The following WWP2 variants were observed in gnomAD, a reference collection of about 807,000 sequenced individuals.
The protein encoded by WWP2 is WW domain containing E3 ubiquitin protein ligase 2, also known as NEDD4-like E3 ubiquitin-protein ligase WWP2.
In WWP2, 57 loss-of-function variants were observed where a neutral mutation model predicts 121.0. The ratio of observed to expected loss-of-function variants is 0.47; its 90% CI spans 0.38 to 0.59. WWP2 has a LOEUF of 0.59. Among genes scored for constraint, WWP2 ranks in the 20% least tolerant of loss-of-function variants. The pLI, the probability that WWP2 is intolerant of heterozygous loss-of-function variation, is 0.00. For synonymous variants in WWP2, 449 were observed against 441.3 expected (o/e 1.02, Z -0.22); for missense variants, 962 against 1,158.9 (o/e 0.83, Z 2.47).
intron 4 of WWP2, among the ~76,000 whole-genome samples, chr16:69,837,673 T>G (rs1012309631): frequency 6.6e-6 from 1 of 152,180 alleles, no homozygotes; most frequent in African/African-American, 2.4e-5. Context: ...CAACACTCCA[T>G]TTATGAAACG....
chr16:69,835,370 T>C (rs2056858255), intron 4 of WWP2, among the ~76,000 whole-genome samples: 1 of 152,228 alleles, frequency 6.6e-6, no homozygotes, highest in South Asian at 2.1e-4. Flanking sequence ...AGTCCCATTA[T>C]GTATTATAGG....
At chr16:69,795,303 G>A (rs1177683478) in intron 2 of WWP2, among the ~76,000 whole-genome samples, 3 of 150,894 alleles carry the variant, frequency 2.0e-5, no homozygotes, top group African/African-American at 7.3e-5. Flanking sequence ...CATACACAGA[G>A]ACATAGATGG....
intron 4 of WWP2, among the ~76,000 whole-genome samples, chr16:69,814,525 A>G (rs924598789): frequency 6.6e-6 from 1 of 152,146 alleles, no homozygotes; most frequent in Non-Finnish European, 1.5e-5. Context: ...CCACACCACC[A>G]TGAAAGGTGA....
chr16:69,798,920 G>T, intron 3 of WWP2, 91 bp downstream of exon 3: 1 of 1,534,158 alleles, frequency 6.5e-7, no homozygotes, highest in Non-Finnish European at 8.8e-7. Context: ...GATTCCCTGT[G>T]GCACCTCCGA....
chr16:69,838,955 AAAGGG>A (rs1453502502), intron 4 of WWP2: 4 of 939,766 alleles, frequency 4.3e-6, no homozygotes, highest in African/African-American at 1.9e-5. Context: ...CTAAGTTCTT[AAAGGG>A]TTGTATCTGT....
intron 1 of WWP2, among the ~76,000 whole-genome samples, chr16:69,772,664 A>T (rs151311879): frequency 2.4e-4 from 36 of 152,214 alleles, no homozygotes; most frequent in African/African-American, 8.7e-4. Flanking sequence ...GAAAAGTGGT[A>T]ACTTCTGGGG....
At chr16:69,821,923 G>A (rs1185237315) in intron 4 of WWP2, among the ~76,000 whole-genome samples, 5 of 151,690 alleles carry the variant, frequency 3.3e-5, no homozygotes, top group South Asian at 2.1e-4. Context: ...CCTGGCTAGC[G>A]TGCAGTGCCA....
chr16:69,896,801 C>A (rs1191750369), intron 8 of WWP2, among the ~76,000 whole-genome samples: 2 of 151,660 alleles, frequency 1.3e-5, no homozygotes, highest in African/African-American at 4.9e-5. Flanking sequence ...GGGGACTGCC[C>A]AGTTTCCTAC....
At position 69,925,166 on chromosome 16, in the gene WWP2, GCCT is replaced by G. The variant is rs1555504509; in HGVS notation, c.1180-258_1180-256del. The stretch of plus-strand genomic sequence containing the variant: ...CCTGGCACACCTTCACCCGCGTACC[GCCT>G]CCTCCCCGTCGCTCTGCCTTTTCCA... On this transcript the variant is annotated intron_variant, in intron 10 of 23. Transcript: ENST00000359154. This position sits in a 1 kb window ranked among gnomAD's most constrained non-coding sequence, Gnocchi z 4.0. 8.8e-6 allele frequency: 11 copies of G among 1,254,608 alleles called. No individual in the cohort carries two copies. Among genetic ancestry groups the G allele is most frequent in the Non-Finnish European group, 1.1e-5 (11 of 994,704 alleles). The allele number at this position is 1,254,608 out of a possible 1,614,324, so 77.7% of individuals were successfully genotyped here. A position where few individuals can be genotyped will look rare whatever the true frequency, so the allele number is the denominator to read the frequency against.
At chr16:69,871,728 G>A (rs2057639626) in intron 6 of WWP2, 76 bp from the exon 7 acceptor site, 1 of 1,577,388 alleles carries the variant, frequency 6.3e-7, no homozygotes, top group Non-Finnish European at 8.6e-7. Context: ...AAGGGAATAT[G>A]ATGACTTAGG....
intron 6 of WWP2, among the ~76,000 whole-genome samples, chr16:69,860,041 ACTCT>A (rs1049698330): frequency 1.1e-4 from 16 of 151,336 alleles, no homozygotes; most frequent in Non-Finnish European, 2.2e-4. Context: ...CAGTAGAAAG[ACTCT>A]CTCTAATGGG....
chr16:69,803,895 A>C (rs956022557), intron 4 of WWP2, among the ~76,000 whole-genome samples: 1 of 152,164 alleles, frequency 6.6e-6, no homozygotes, highest in Non-Finnish European at 1.5e-5. Context: ...ATGACAGAGC[A>C]AGACTCCGTC....
intron 2 of WWP2, among the ~76,000 whole-genome samples, chr16:69,797,836 C>A (rs1223842688): frequency 6.6e-6 from 1 of 151,508 alleles, no homozygotes; most frequent in Admixed American, 6.6e-5. Context: ...TGCAGTGAGC[C>A]GAGATTGTGG....
At chr16:69,770,226 G>C (rs2151766921) in intron 1 of WWP2, among the ~76,000 whole-genome samples, 1 of 152,238 alleles carries the variant, frequency 6.6e-6, no homozygotes, top group African/African-American at 2.4e-5. Context: ...TCAGGATTTG[G>C]GGGCCAGTGG....
At chr16:69,809,746 T>C (rs188239119) in intron 4 of WWP2, among the ~76,000 whole-genome samples, 48 of 148,864 alleles carry the variant, frequency 3.2e-4, no homozygotes, top group Middle Eastern at 6.8e-3. Flanking sequence ...CCAGCCTGGG[T>C]GACAAGAGTG....
At chr16:69,803,351 C>A (rs1306753984) in intron 4 of WWP2, among the ~76,000 whole-genome samples, 1 of 143,922 alleles carries the variant, frequency 6.9e-6, no homozygotes, top group Non-Finnish European at 1.5e-5. Context: ...TTTTTTTTTA[C>A]TTTGGAACAT....
chr16:69,790,828 A>G (rs1261383748), intron 2 of WWP2, among the ~76,000 whole-genome samples: 1 of 152,118 alleles, frequency 6.6e-6, no homozygotes. Flanking sequence ...CGCCTGCCTC[A>G]GCCCCCCAAA....
chr16:69,905,828 G>C (rs989735139), intron 8 of WWP2, among the ~76,000 whole-genome samples: 4 of 152,310 alleles, frequency 2.6e-5, no homozygotes, highest in Admixed American at 6.5e-5. Flanking sequence ...AGCAAAGCAT[G>C]GTGAAACTCA....
intron 6 of WWP2, among the ~76,000 whole-genome samples, chr16:69,847,456 G>A (rs931337556): frequency 4.3e-4 from 64 of 147,470 alleles, no homozygotes; most frequent in African/African-American, 1.5e-3. Flanking sequence ...GTTGCCCAGG[G>A]TGGACTGCAA....
Sources: gnomAD v4.1 joint callset for allele counts (sites outside exome capture counted in the v4.1 genomes callset) on GRCh38, gnomAD v4.1.1 for gene constraint, Gnocchi (gnomAD v3.1) non-coding constraint, MANE v1.5 for transcripts, NCBI Gene and HGNC (gene_info 2026-07-23, HGNC 2026-07-21) for gene names.